SACS: variants seen among roughly 807,000 people sequenced by gnomAD.
SACS encodes the protein sacsin molecular chaperone.
A neutral mutation model predicts 348.0 loss-of-function variants in SACS; 197 were observed. The ratio of observed to expected loss-of-function variants is 0.57; its 90% confidence interval spans 0.50 to 0.64. The LOEUF is 0.64. Ranked by LOEUF, SACS falls within the 30% of genes least tolerant of loss-of-function variation. The probability of loss-of-function intolerance (pLI) is 0.00; values close to 1 mark genes in which losing one functional copy is unlikely to be tolerated. For synonymous variants in SACS, 1,985 were observed against 1,910.6 expected, an observed-to-expected ratio of 1.04 and a Z score of -1.02; for missense variants, 4,999 against 5,360.8, an observed-to-expected ratio of 0.93 and a Z score of 2.11.
At chr13:23,375,996 G>T (rs1871781283) in intron 2 of SACS, among the ~76,000 whole-genome samples, 1 of 152,164 alleles carries the variant, frequency 6.6e-6, no homozygotes, top group Admixed American at 6.5e-5. Context: ...CTCCGAGAAG[G>T]GAACGTGCTG....
chr13:23,400,551 G>T (rs1046684088), intron 2 of SACS, among the ~76,000 whole-genome samples: 4 of 152,144 alleles, frequency 2.6e-5, no homozygotes, highest in Non-Finnish European at 5.9e-5. Context: ...CTCCCGAGTA[G>T]CTGGGCCTAC....
At chr13:23,376,601 C>T (rs1243460600) in intron 2 of SACS, among the ~76,000 whole-genome samples, 1 of 152,188 alleles carries the variant, frequency 6.6e-6, no homozygotes, top group African/African-American at 2.4e-5. Flanking sequence ...GAATGTTCTA[C>T]AGCTGTTCCA....
intron 6 of SACS, among the ~76,000 whole-genome samples, chr13:23,361,859 C>G (rs1172452462): frequency 4.6e-5 from 7 of 152,054 alleles, no homozygotes; most frequent in Non-Finnish European, 1.5e-5. Context: ...GAGCTGGGAG[C>G]AGGCCTGCAG....
chr13:23,390,416 T>G (rs1170755586), intron 2 of SACS, among the ~76,000 whole-genome samples: 2 of 152,206 alleles, frequency 1.3e-5, no homozygotes, highest in African/African-American at 4.8e-5. Context: ...TCCCAGCACT[T>G]CGGGAAGCTG....
In SACS at chr13:23,340,376, T is replaced by G; in HGVS notation, c.3500A>C (p.Tyr1167Ser). Reference sequence around the variant, plus strand: ...TCCTTTCCAGACCAAAGAGCCTGGATAATTTGGAGGCCTTTCCTTGCAGGC... The same window carrying G: ...TCCTTTCCAGACCAAAGAGCCTGGAGAATTTGGAGGCCTTTCCTTGCAGGC... Reference protein sequence around the residue: ...VPACKERPPNYPGSLVWKGDL... With the variant: ...VPACKERPPNSPGSLVWKGDL... Residue 1167 changes from tyrosine (Y) to serine (S), a missense_variant, in exon 10 of 10, where the codon TAT becomes TCT. Around this residue, in one of 6 missense-constraint regions of SACS, gnomAD observed 3,156 missense variants for 3,380.1 expected, o/e 0.93. Transcript: ENST00000382292. The G allele has an allele frequency of 1.9e-6, 3 of 1,614,080 alleles. No homozygotes were observed. The highest frequency in any genetic ancestry group is 2.5e-6 in the Non-Finnish European group (3 of 1,179,996).
intron 2 of SACS, among the ~76,000 whole-genome samples, chr13:23,392,941 T>G (rs1872584755): frequency 6.6e-6 from 1 of 152,118 alleles, no homozygotes; most frequent in African/African-American, 2.4e-5. Context: ...ACTGAGTTCA[T>G]GCATAGTCAC....
chr13:23,430,903 C>T (rs1440383351), intron 1 of SACS, among the ~76,000 whole-genome samples: 9 of 152,138 alleles, frequency 5.9e-5, no homozygotes, highest in South Asian at 2.1e-4. Context: ...GGTTTCACAT[C>T]GTCGTCAATT....
At chr13:23,383,751 ACT>A (rs1278169343) in intron 2 of SACS, among the ~76,000 whole-genome samples, 1 of 152,088 alleles carries the variant, frequency 6.6e-6, no homozygotes, top group South Asian at 2.1e-4. Context: ...CTCCTTTCTT[ACT>A]CTCTCTGAAT....
intron 1 of SACS, among the ~76,000 whole-genome samples, chr13:23,414,071 G>A (rs546011707): frequency 1.1e-4 from 17 of 152,278 alleles, no homozygotes; most frequent in African/African-American, 3.4e-4. Flanking sequence ...TTGGGAGGCC[G>A]AGGCAGGAGG....
chr13:23,385,559 T>G (rs1238049988), intron 2 of SACS, among the ~76,000 whole-genome samples: 1 of 152,108 alleles, frequency 6.6e-6, no homozygotes, highest in Admixed American at 6.5e-5. Flanking sequence ...GGTTTCATCA[T>G]GTTGGTTAGG....
At chr13:23,412,381 G>A (rs1873525647) in intron 1 of SACS, among the ~76,000 whole-genome samples, 1 of 149,788 alleles carries the variant, frequency 6.7e-6, no homozygotes, top group South Asian at 2.1e-4. Context: ...CCTTTTTTCA[G>A]GAACGACACC....
At chr13:23,363,304 T>C (rs2148442) in intron 6 of SACS, among the ~76,000 whole-genome samples, 57,006 of 151,366 alleles carry the variant, frequency 0.38, 11,737 homozygotes, top group Non-Finnish European at 0.45. Context: ...CTTGGCTCAC[T>C]GCAACCTCTG....
chr13:23,356,562 T>C (rs996970092), intron 7 of SACS, among the ~76,000 whole-genome samples: 1 of 152,226 alleles, frequency 6.6e-6, no homozygotes, highest in South Asian at 2.1e-4. Flanking sequence ...GGAGCCTAAT[T>C]ACAGTATTGA....
chr13:23,392,027 C>T (rs767630955), intron 2 of SACS, among the ~76,000 whole-genome samples: 9 of 152,188 alleles, frequency 5.9e-5, no homozygotes, highest in Non-Finnish European at 1.3e-4. Context: ...TGCAGACTGA[C>T]TTTCCTGTCT....
At chr13:23,361,047 C>T (rs1017969800) in intron 6 of SACS, among the ~76,000 whole-genome samples, 1 of 151,994 alleles carries the variant, frequency 6.6e-6, no homozygotes, top group Admixed American at 6.6e-5. Context: ...GAGCCCCCAC[C>T]CTCCAAGGTT....
At chr13:23,425,600 G>A (rs1260498854) in intron 1 of SACS, among the ~76,000 whole-genome samples, 1 of 151,876 alleles carries the variant, frequency 6.6e-6, no homozygotes, top group Non-Finnish European at 1.5e-5. Flanking sequence ...CCTCTTCCTG[G>A]GGAGAGCGGG....
Position 23,337,782 on chromosome 13 carries a change from A to G in SACS, c.6094T>C (p.Ser2032Pro), listed in dbSNP as rs1194247124. ...GCTTCTTCAAATCCTAATTTTACCG[A>G]AGAAGGAAGTTCAACAGCACAAAGG... Reference protein sequence around the residue: ...KNLCAVELPSSVKLGFEEAGC... With the variant: ...KNLCAVELPSPVKLGFEEAGC... The change falls in exon 10 of 10, where the codon TCG becomes CCG. Residue 2032 changes from serine to proline, a missense_variant. Physicochemically the swap from Ser to Pro is moderately conservative, Grantham distance 74. This residue lies in a region of SACS where 3,156 missense variants were observed against 3,380.1 expected (regional missense o/e 0.93). Coordinates refer to ENST00000382292, the MANE Select transcript of SACS (RefSeq NM_014363.6). The G allele has an allele frequency of 6.2e-7, 1 of 1,613,824 alleles. No homozygotes were observed. The highest frequency in any genetic ancestry group is 2.2e-5 in the East Asian group (1 of 44,888).
chr13:23,375,289 G>T lies in SACS; in HGVS notation c.21-20C>A. 7.0e-7 allele frequency: 1 copy of T among 1,421,718 alleles called. No individual in the cohort carries two copies. The highest frequency in any genetic ancestry group is 3.1e-5 in the East Asian group (1 of 32,192). 88.1% of individuals were successfully genotyped at this position (1,421,718 alleles called of 1,614,324 possible). A position where few individuals can be genotyped will look rare whatever the true frequency, so the allele number is the denominator to read the frequency against. On this transcript the variant is annotated intron_variant, in intron 2 of 9. Transcript: ENST00000382292. ...ACCCACCTGTGGAAAGCAGAGGGAC[G>T]CTCAGTCGGGCTGCGGCTGCCACCC...
At chr13:23,369,892 A>G (rs1271706121) in intron 4 of SACS, among the ~76,000 whole-genome samples, 1 of 131,110 alleles carries the variant, frequency 7.6e-6, no homozygotes, top group Admixed American at 7.9e-5. Context: ...GGAGTCTTGC[A>G]CTGTCTCCTG....
Sources: allele counts gnomAD v4.1 joint callset (sites outside exome capture counted in the v4.1 genomes callset), GRCh38; gene constraint gnomAD v4.1.1; regional missense constraint gnomAD v4.1.1; transcripts MANE v1.5; gene names NCBI Gene and HGNC (gene_info 2026-07-23, HGNC 2026-07-21).